Variants in RPS6KC1 observed in about 807,000 individuals in gnomAD.
RPS6KC1 encodes ribosomal protein S6 kinase C1, also known as inactive ribosomal protein S6 kinase delta-1.
A neutral mutation model predicts 103.8 loss-of-function variants in RPS6KC1; 54 were observed. The ratio of observed to expected loss-of-function variants is 0.52; its 90% CI spans 0.42 to 0.65. The LOEUF is 0.65. RPS6KC1 is among the 30% of genes least tolerant of loss of function. RPS6KC1 has a pLI of 0.00. For synonymous variants in RPS6KC1, 439 were observed against 438.7 expected (o/e 1.00, Z -0.01); for missense variants, 1,151 against 1,253.8 (o/e 0.92, Z 1.24).
At chr1:213,208,101 C>T (rs1036958351) in intron 8 of RPS6KC1, among the ~76,000 whole-genome samples, 3 of 152,104 alleles carry the variant, frequency 2.0e-5, no homozygotes, top group East Asian at 1.9e-4. Context: ...CCCCCATTTG[C>T]GTATTCTTAT....
At chr1:213,834,169 AG>A in the RPS6KC1 span, among the ~76,000 whole-genome samples, 1 of 152,038 alleles carries the variant, frequency 6.6e-6, no homozygotes, top group Non-Finnish European at 1.5e-5. Flanking sequence ...CCTCCCAAGT[AG>A]CTGGGACTAC....
the RPS6KC1 span, among the ~76,000 whole-genome samples, chr1:213,721,042 A>G: frequency 3.3e-5 from 5 of 152,356 alleles, no homozygotes; most frequent in African/African-American, 1.2e-4. Context: ...ATAATGTTTT[A>G]TCCATGGTAG....
At chr1:213,189,798 C>T (rs2092684541) in intron 8 of RPS6KC1, among the ~76,000 whole-genome samples, 1 of 152,128 alleles carries the variant, frequency 6.6e-6, no homozygotes, top group South Asian at 2.1e-4. Context: ...CTTCCGAACC[C>T]TACACGATCC....
At chr1:213,652,517 G>C in the RPS6KC1 span, among the ~76,000 whole-genome samples, 1 of 152,206 alleles carries the variant, frequency 6.6e-6, no homozygotes, top group Admixed American at 6.5e-5. Flanking sequence ...GGTGGAGTCT[G>C]CTTTCTCACC....
At chr1:213,714,255 C>T in the RPS6KC1 span, among the ~76,000 whole-genome samples, 3 of 152,304 alleles carry the variant, frequency 2.0e-5, no homozygotes, top group East Asian at 3.9e-4. Context: ...GTATTTGGCA[C>T]GCTAATGTTA....
the RPS6KC1 span, among the ~76,000 whole-genome samples, chr1:213,749,378 G>T: frequency 1.8e-4 from 27 of 152,222 alleles, no homozygotes; most frequent in Middle Eastern, 3.4e-3. Flanking sequence ...AAAGTGAAGA[G>T]ATTTCTGGAT....
intron 6 of RPS6KC1, among the ~76,000 whole-genome samples, chr1:213,137,161 C>G (rs2149051887): frequency 6.6e-6 from 1 of 152,116 alleles, no homozygotes; most frequent in Admixed American, 6.5e-5. Context: ...TGACCTTTCT[C>G]TCATTTTCTT....
At chr1:213,575,455 C>T in the RPS6KC1 span, among the ~76,000 whole-genome samples, 8 of 152,238 alleles carry the variant, frequency 5.3e-5, no homozygotes, top group East Asian at 7.7e-4. Flanking sequence ...ATCATGGGGG[C>T]GGTTACCCCC....
the RPS6KC1 span, among the ~76,000 whole-genome samples, chr1:213,598,668 A>C: frequency 1.3e-5 from 2 of 152,186 alleles, no homozygotes; most frequent in Non-Finnish European, 2.9e-5. Context: ...CTGTAATCTC[A>C]GCACTTTGGG....
chr1:213,571,745 A>G, the RPS6KC1 span, among the ~76,000 whole-genome samples: 5 of 152,206 alleles, frequency 3.3e-5, no homozygotes, highest in Non-Finnish European at 5.9e-5. Flanking sequence ...CACTGGAGGC[A>G]CTTTTGAGAT....
chr1:213,851,771 T>G, the RPS6KC1 span, among the ~76,000 whole-genome samples: 118 of 152,176 alleles, frequency 7.8e-4, 1 homozygote, highest in Middle Eastern at 3.4e-3. Flanking sequence ...AACTCTCTTA[T>G]TGCCACACGT....
intron 3 of RPS6KC1, among the ~76,000 whole-genome samples, chr1:213,092,599 G>T (rs1402739852): frequency 6.6e-6 from 1 of 151,632 alleles, no homozygotes; most frequent in African/African-American, 2.4e-5. Context: ...TTGAACCAGG[G>T]AGGCGGAGCT....
intron 6 of RPS6KC1, among the ~76,000 whole-genome samples, chr1:213,157,276 C>T (rs547038867): frequency 3.3e-5 from 5 of 151,456 alleles, no homozygotes; most frequent in East Asian, 1.9e-4. Context: ...TGCAGTGGCA[C>T]GATCTCGGCT....
the RPS6KC1 span, among the ~76,000 whole-genome samples, chr1:213,586,267 C>T: frequency 5.3e-5 from 8 of 152,162 alleles, no homozygotes; most frequent in African/African-American, 1.9e-4. Context: ...AACAACAGAC[C>T]AAGACTTCAT....
At chr1:213,294,243 G>C in the RPS6KC1 span, among the ~76,000 whole-genome samples, 1 of 152,214 alleles carries the variant, frequency 6.6e-6, no homozygotes, top group South Asian at 2.1e-4. Flanking sequence ...AATTGATCTT[G>C]TAGTTTACCA....
At chr1:213,829,630 T>C in the RPS6KC1 span, among the ~76,000 whole-genome samples, 1 of 152,104 alleles carries the variant, frequency 6.6e-6, no homozygotes, top group African/African-American at 2.4e-5. Context: ...ACCAAGACAT[T>C]CAGATTGGTT....
the RPS6KC1 span, among the ~76,000 whole-genome samples, chr1:213,647,649 A>G: frequency 4.2e-4 from 64 of 152,164 alleles, no homozygotes; most frequent in Non-Finnish European, 8.8e-5. Flanking sequence ...AAAAATTATA[A>G]CAGAAACCCA....
intron 8 of RPS6KC1, 52 bp from the exon 9 acceptor site, chr1:213,230,445 G>A: frequency 7.5e-7 from 1 of 1,339,626 alleles, no homozygotes; most frequent in Non-Finnish European, 1.1e-6. Flanking sequence ...AAAGCTAAGA[G>A]TTAATGTTTC....
chr1:213,089,486 A>T (rs2080763050), intron 3 of RPS6KC1, among the ~76,000 whole-genome samples: 1 of 144,458 alleles, frequency 6.9e-6, no homozygotes. Context: ...TTTAAGATGG[A>T]GTTTTGCCCT....
Sources: allele counts gnomAD v4.1 joint callset (sites outside exome capture counted in the v4.1 genomes callset), GRCh38; gene constraint gnomAD v4.1.1; transcripts MANE v1.5; gene names NCBI Gene and HGNC (gene_info 2026-07-23, HGNC 2026-07-21).